Variants in XPO1 observed in about 807,000 individuals in gnomAD.
XPO1 encodes exportin-1.
A neutral mutation model predicts 133.3 loss-of-function variants in XPO1; 5 were observed. The observed-to-expected ratio is 0.04, with a 90% CI of 0.02 to 0.08. The LOEUF (loss-of-function observed/expected upper bound fraction) is 0.08, where lower values mean the gene tolerates loss of function less well. XPO1 is among the 10% of genes least tolerant of loss of function. XPO1 has a pLI of 1.00. For missense variants in XPO1, 506 were observed against 1,267.5 expected, an observed-to-expected ratio of 0.40 and a Z score of 9.12; for synonymous variants, 419 against 408.2, an observed-to-expected ratio of 1.03 and a Z score of -0.32.
At chr2:61,500,805 G>A (rs554053253) in intron 6 of XPO1, among the ~76,000 whole-genome samples, 1 of 151,984 alleles carries the variant, frequency 6.6e-6, no homozygotes, top group Non-Finnish European at 1.5e-5. Context: ...TTTCAAACAA[G>A]AAAAGAAGAA....
chr2:61,530,087 T>A (rs1699087597), intron 2 of XPO1, among the ~76,000 whole-genome samples: 1 of 152,244 alleles, frequency 6.6e-6, no homozygotes, highest in Non-Finnish European at 1.5e-5. Flanking sequence ...TCCCTGAGAA[T>A]ATCTAGCTAG....
intron 4 of XPO1, among the ~76,000 whole-genome samples, chr2:61,520,565 T>C (rs1164719114): frequency 7.9e-5 from 12 of 152,106 alleles, no homozygotes; most frequent in African/African-American, 2.4e-4. Flanking sequence ...GGTGGGAGGA[T>C]TGCTTGACCG....
intron 4 of XPO1, among the ~76,000 whole-genome samples, chr2:61,504,172 G>C (rs1389438581): frequency 6.6e-6 from 1 of 152,162 alleles, no homozygotes; most frequent in Non-Finnish European, 1.5e-5. Context: ...TTAGGAAAAA[G>C]TTTTCATTTC....
At position 61,526,512 on chromosome 2, in the gene XPO1, C is replaced by A; in HGVS notation, c.136G>T (p.Ala46Ser). ...TTTAAATGTGTCAGTACTTCTTGAG[C>A]CATTCTTTGCTAAAATATTATTAAA... ...YHGEGAQQRM[A>S]QEVLTHLKEH... Residue 46 changes from alanine (A) to serine (S), a missense_variant, in exon 3 of 25, where the codon GCT becomes TCT. By Grantham distance (99) the Ala-to-Ser change is moderately conservative (BLOSUM62 1). Transcript: ENST00000401558. 1 of 1,565,628 alleles carries A rather than the reference C, an allele frequency of 6.4e-7. No individual in the cohort carries two copies. The highest frequency in any genetic ancestry group is 8.6e-7 in the Non-Finnish European group (1 of 1,164,296).
chr2:61,479,455 C>A (rs72815577), intron 24 of XPO1, among the ~76,000 whole-genome samples: 23,217 of 150,626 alleles, frequency 0.15, 1,989 homozygotes, highest in South Asian at 0.32. Context: ...TGTGCCCCCC[C>A]AAAAAAAACA....
intron 2 of XPO1, among the ~76,000 whole-genome samples, 183 bp from the exon 3 acceptor site, chr2:61,526,704 CA>C (rs1355498303): frequency 7.7e-4 from 102 of 132,710 alleles, no homozygotes; most frequent in Admixed American, 1.4e-3. Flanking sequence ...ATATGACTCC[CA>C]ATTTTTTTTT....
At chr2:61,514,097 G>A (rs1021293571) in intron 4 of XPO1, among the ~76,000 whole-genome samples, 2 of 151,554 alleles carry the variant, frequency 1.3e-5, no homozygotes, top group African/African-American at 4.9e-5. Flanking sequence ...TGAGACAGGA[G>A]AATCGCTTGA....
At chr2:61,483,137 C>T (rs773296850) in intron 21 of XPO1, 46 bp from the exon 22 acceptor site, 1 of 1,577,834 alleles carries the variant, frequency 6.3e-7, no homozygotes, top group Non-Finnish European at 8.6e-7. Context: ...AGACTGACAG[C>T]ACTCATGATA....
At chr2:61,482,030 T>G (rs1696386970) in intron 23 of XPO1, among the ~76,000 whole-genome samples, 2 of 144,338 alleles carry the variant, frequency 1.4e-5, no homozygotes, top group African/African-American at 2.5e-5. Flanking sequence ...CCACCGTGCG[T>G]GGCCTTTTTT....
rs764932143 is a variant in XPO1, at chr2:61,492,837, C to T, written c.1384+78G>A. The T allele has an allele frequency of 1.3e-6, 2 of 1,554,406 alleles. No homozygotes were observed. The highest frequency in any genetic ancestry group is 1.4e-5 in the African/African-American group (1 of 72,932). On this transcript the variant is annotated intron_variant, in intron 13 of 24. Transcript: ENST00000401558. The surrounding 1 kb of genome is among the most constrained non-coding windows in gnomAD (Gnocchi z 5.6). Reference sequence around the variant, plus strand: ...ACATTTAGAAAATATTTAGAAACTACAAGTACATTTCCTAAAATGTATTTC... The same window carrying T: ...ACATTTAGAAAATATTTAGAAACTATAAGTACATTTCCTAAAATGTATTTC...
In XPO1 at chr2:61,478,909, G is replaced by A. The variant is rs2104194781; in HGVS notation, c.3127C>T (p.Arg1043Trp). 4 of 1,614,130 alleles carry A rather than the reference G, an allele frequency of 2.5e-6. No homozygotes were observed. The highest frequency in any genetic ancestry group is 1.1e-5 in the South Asian group (1 of 91,080). ...LFLEEREIALRQADEEKHKRQ... is the reference protein window; with the variant it reads ...LFLEEREIALWQADEEKHKRQ... ...TTATGTTTCTCTTCATCAGCCTGCC[G>A]TAGGGCTATTTCTCTCTCTTCCAAA... is the stretch of plus-strand genomic sequence containing the variant. The change falls in exon 25 of 25, where the codon CGG (arginine) becomes TGG (tryptophan). Residue 1043 changes from arginine (R) to tryptophan (W), a missense_variant. By Grantham distance (101) the Arg-to-Trp change is moderately radical. This residue lies in a region of XPO1 where 203 missense variants were observed against 365.9 expected (regional missense o/e 0.55). Coordinates refer to ENST00000401558, the MANE Select transcript of XPO1 (RefSeq NM_003400.4).
At chr2:61,526,330 C>T in intron 3 of XPO1, 90 bp downstream of exon 3, 1 of 1,478,170 alleles carries the variant, frequency 6.8e-7, no homozygotes, top group South Asian at 1.4e-5. Context: ...TTTGAGATAA[C>T]AAATGCTAAT....
chr2:61,497,110 G>A (rs1168529132), intron 9 of XPO1, 103 bp from the exon 10 acceptor site: 2 of 1,409,758 alleles, frequency 1.4e-6, no homozygotes, highest in South Asian at 1.5e-5. Context: ...TTAAATATAG[G>A]GGTAGATGTC....
chr2:61,487,611 C>T (rs2104373907), intron 19 of XPO1, among the ~76,000 whole-genome samples: 1 of 151,896 alleles, frequency 6.6e-6, no homozygotes, highest in Non-Finnish European at 1.5e-5. Context: ...TCTCCCAAGG[C>T]TCAATTGAAT....
chr2:61,481,337 T>C (rs1233900247), intron 23 of XPO1, 56 bp from the exon 24 acceptor site: 25 of 1,333,896 alleles, frequency 1.9e-5, no homozygotes, highest in Non-Finnish European at 2.3e-5. Flanking sequence ...CGAGACAGAG[T>C]ATTGCTCTGT....
At position 61,478,673 on chromosome 2, in the gene XPO1, T is replaced by A; in HGVS notation, c.*147A>T. On this transcript the variant is annotated 3_prime_UTR_variant, in exon 25 of 25. Transcript: ENST00000401558. ...CAATGGAAGGATATTTCACAGAAAA[T>A]TTCTTATACAAAAAAACACATAAGA... 1.4e-6 allele frequency: 1 copy of A among 733,644 alleles called. No individual in the cohort carries two copies. Among genetic ancestry groups the A allele is most frequent in the South Asian group, 2.7e-5 (1 of 36,914 alleles). 45.4% of individuals were successfully genotyped at this position (733,644 alleles called of 1,614,324 possible).
intron 9 of XPO1, among the ~76,000 whole-genome samples, chr2:61,498,449 T>C (rs927267690): frequency 2.6e-5 from 4 of 152,224 alleles, no homozygotes; most frequent in Non-Finnish European, 5.9e-5. Context: ...AAATCCATTG[T>C]TCAAAATGAA....
In XPO1 at chr2:61,491,746, G is replaced by C. The variant is rs192307688; in HGVS notation, c.1887+289C>G. Among the ~76,000 whole-genome samples, 419 of 152,074 alleles carry C rather than the reference G, an allele frequency of 2.8e-3. 1 individual carries two copies. Among genetic ancestry groups the C allele is most frequent in the African/African-American group, 9.4e-3 (390 of 41,498 alleles). ...CCATCTCTACCAAGGGGGGGAAAAA[G>C]GTTAGCTGAGTGTGATGGCAGTGCA... On this transcript the variant is annotated intron_variant, in intron 16 of 24. Transcript: ENST00000401558.
chr2:61,524,299 C>T (rs775051560), intron 3 of XPO1, among the ~76,000 whole-genome samples: 2 of 152,144 alleles, frequency 1.3e-5, no homozygotes, highest in African/African-American at 4.8e-5. Context: ...ATAACTTCAT[C>T]TTATTTAACC....
Sources: gnomAD v4.1 joint callset for allele counts (sites outside exome capture counted in the v4.1 genomes callset) on GRCh38, gnomAD v4.1.1 for gene constraint, gnomAD v4.1.1 regional missense constraint, Gnocchi (gnomAD v3.1) non-coding constraint, MANE v1.5 for transcripts, NCBI Gene and HGNC (gene_info 2026-07-23, HGNC 2026-07-21) for gene names.